The following ADAM22 variants were observed in gnomAD, a reference collection of about 807,000 sequenced individuals.
The protein encoded by ADAM22 is disintegrin and metalloproteinase domain-containing protein 22.
In ADAM22, 65 loss-of-function variants were observed where a neutral mutation model predicts 144.6. The ratio of observed to expected loss-of-function variants is 0.45; its 90% CI spans 0.37 to 0.55. The LOEUF (loss-of-function observed/expected upper bound fraction) is 0.55, where lower values mean the gene tolerates loss of function less well. ADAM22 is among the 20% of genes least tolerant of loss of function. ADAM22 has a pLI of 0.00. For synonymous variants in ADAM22, 391 were observed against 412.6 expected, an observed-to-expected ratio of 0.95 and a Z score of 0.63; for missense variants, 974 against 1,184.9, an observed-to-expected ratio of 0.82 and a Z score of 2.61.
At position 88,039,561 on chromosome 7, in the gene ADAM22, C is replaced by T. The variant is rs75654517; in HGVS notation, c.324-36065C>T. Among the ~76,000 whole-genome samples the T allele has an allele frequency of 4.4e-3, 651 of 146,700 alleles. 9 individuals are homozygous for T. Among genetic ancestry groups the T allele is most frequent in the African/African-American group, 0.016 (623 of 40,030 alleles). ...TTCCAAATATTAAGGATTCCAAGGA[C>T]AGGGACAGATAATATAATTATGGTT... is the stretch of plus-strand genomic sequence containing the variant. On this transcript the variant is annotated intron_variant, in intron 3 of 31. Coordinates refer to ENST00000413139, the MANE Select transcript of ADAM22 (RefSeq NM_001324418.2).
intron 2 of ADAM22, 31 bp downstream of exon 2, chr7:87,935,217 C>T: frequency 6.5e-7 from 1 of 1,538,712 alleles, no homozygotes. Flanking sequence ...GGTGGTCCTC[C>T]GCGCCTCCCG....
intron 26 of ADAM22, among the ~76,000 whole-genome samples, chr7:88,172,852 G>T (rs192657025): frequency 6.6e-6 from 1 of 151,930 alleles, no homozygotes; most frequent in Non-Finnish European, 1.5e-5. Flanking sequence ...AGCAGGAGCC[G>T]CCGTTTAGAC....
At chr7:87,963,791 G>A (rs1442815582) in intron 2 of ADAM22, among the ~76,000 whole-genome samples, 1 of 152,094 alleles carries the variant, frequency 6.6e-6, no homozygotes, top group East Asian at 1.9e-4. Context: ...ATGGCTCCTT[G>A]TAATTTTATT....
Position 88,088,636 on chromosome 7 carries a change from A to T in ADAM22, c.390+12944A>T, listed in dbSNP as rs563351868. Among the ~76,000 whole-genome samples, 4 of 152,286 alleles carry T rather than the reference A, an allele frequency of 2.6e-5. No individual in the cohort carries two copies. The East Asian group carries it at 7.7e-4, about 29-fold the overall frequency. ...TATAATTCCTGTGAACTTGAACAGC[A>T]GTGATAGAAAATTTCTTGCGATCTC... is the stretch of plus-strand genomic sequence containing the variant. On this transcript the variant is annotated intron_variant, in intron 4 of 31. Transcript: ENST00000413139.
At chr7:87,944,721 C>T (rs1240501655) in intron 2 of ADAM22, among the ~76,000 whole-genome samples, 1 of 151,662 alleles carries the variant, frequency 6.6e-6, no homozygotes, top group Admixed American at 6.6e-5. Flanking sequence ...CCTTCTGGCT[C>T]AACTAGAAAG....
Position 88,175,748 on chromosome 7 carries a change from GAT to G in ADAM22, c.2301-3185_2301-3184del, listed in dbSNP as rs1181906592. Among the ~76,000 whole-genome samples the G allele has an allele frequency of 5.3e-5, 8 of 152,242 alleles. No individual in the cohort carries two copies. In the East Asian group the frequency reaches 1.5e-3, roughly 29 times the overall value. On this transcript the variant is annotated intron_variant, in intron 26 of 31. Coordinates refer to ENST00000413139, the MANE Select transcript of ADAM22 (RefSeq NM_001324418.2). The stretch of plus-strand genomic sequence containing the variant: ...CAAGATTTAGGAAGAAAGCCGTAAA[GAT>G]AATAAAGGACTGGAAAAAGAAGTTT...
At chr7:88,021,995 C>T (rs1797937107) in intron 3 of ADAM22, among the ~76,000 whole-genome samples, 1 of 151,972 alleles carries the variant, frequency 6.6e-6, no homozygotes, top group Admixed American at 6.6e-5. Context: ...ATTTCCGCCT[C>T]CCGAATGTTG....
At chr7:88,080,290 G>T (rs920402647) in intron 4 of ADAM22, among the ~76,000 whole-genome samples, 2 of 152,072 alleles carry the variant, frequency 1.3e-5, no homozygotes, top group Admixed American at 6.6e-5. Flanking sequence ...GAGGTTCTTT[G>T]AAACCAACGA....
intron 18 of ADAM22, among the ~76,000 whole-genome samples, chr7:88,149,306 G>T (rs1837629759): frequency 6.6e-6 from 1 of 152,084 alleles, no homozygotes; most frequent in Non-Finnish European, 1.5e-5. Context: ...GTATTAAGTA[G>T]GTAGTACAAG....
rs191873663 is a variant in ADAM22 at position 88,128,828 on chromosome 7, G to A, written c.753+152G>A. The A allele has an allele frequency of 5.0e-5, 28 of 555,760 alleles. No homozygotes were observed. In the Admixed American group the frequency reaches 9.8e-4, roughly 19 times the overall value. 34.4% of individuals were successfully genotyped at this position (555,760 alleles called of 1,614,324 possible). On this transcript the variant is annotated intron_variant, in intron 9 of 31. Transcript: ENST00000413139. ...TATATTTGTTAACTAGCAACAACCT[G>A]CAATTAGGAAATATTCATAGGTGGA...
At chr7:87,954,210 G>A (rs904538401) in intron 2 of ADAM22, among the ~76,000 whole-genome samples, 1 of 151,258 alleles carries the variant, frequency 6.6e-6, no homozygotes, top group Non-Finnish European at 1.5e-5. Context: ...TATTTTGCTC[G>A]TTAGTTGATG....
chr7:88,171,844 A>G (rs1844404638), intron 26 of ADAM22, among the ~76,000 whole-genome samples: 1 of 151,594 alleles, frequency 6.6e-6, no homozygotes, highest in Non-Finnish European at 1.5e-5. Flanking sequence ...ATAGAAATTG[A>G]TTTTTTCCAT....
chr7:88,166,843 C>G (rs1360062679), intron 24 of ADAM22, among the ~76,000 whole-genome samples: 1 of 151,974 alleles, frequency 6.6e-6, no homozygotes, highest in East Asian at 1.9e-4. Context: ...AAAGCCATAC[C>G]ATTACTTAGA....
intron 3 of ADAM22, among the ~76,000 whole-genome samples, 190 bp downstream of exon 3, chr7:87,978,602 A>G (rs1852482336): frequency 6.6e-6 from 1 of 152,254 alleles, no homozygotes; most frequent in African/African-American, 2.4e-5. Flanking sequence ...TTCATTTGAA[A>G]TTGAGCACCT....
rs1250043347 is a variant in ADAM22 at position 88,126,775 on chromosome 7, G to A, written c.678+1116G>A. On this transcript the variant is annotated intron_variant, in intron 8 of 31. Transcript: ENST00000413139. ...GAGCATTTCTTTTGAGTGTCCTATT[G>A]GTGCTCAAAAAGTTTTTCATTCTGG... 1.1e-4 allele frequency among the ~76,000 whole-genome samples: 17 copies of A among 151,904 alleles called. No individual in the cohort carries two copies. In the East Asian group the frequency reaches 3.3e-3, roughly 29 times the overall value.
intron 2 of ADAM22, among the ~76,000 whole-genome samples, chr7:87,950,380 C>A (rs1280810267): frequency 6.8e-6 from 1 of 146,154 alleles, no homozygotes; most frequent in Non-Finnish European, 1.5e-5. Context: ...TGAGTGAGAA[C>A]ATGCGGTGTT....
chr7:88,103,375 G>A (rs573788136), intron 4 of ADAM22, among the ~76,000 whole-genome samples: 2 of 152,156 alleles, frequency 1.3e-5, no homozygotes, highest in Non-Finnish European at 2.9e-5. Flanking sequence ...TAATAAAAAT[G>A]TGGTATGTCT....
chr7:88,071,339 G>A (rs1278008594), intron 3 of ADAM22, among the ~76,000 whole-genome samples: 1 of 151,694 alleles, frequency 6.6e-6, no homozygotes, highest in Admixed American at 6.6e-5. Context: ...TCAGGATATG[G>A]GATGCATTTC....
At chr7:88,143,957 TC>T (rs1169817308) in intron 15 of ADAM22, among the ~76,000 whole-genome samples, 1 of 152,230 alleles carries the variant, frequency 6.6e-6, no homozygotes. Context: ...ACAGTTCAAG[TC>T]TTTTTACCAA....
Sources: gnomAD v4.1 joint callset for allele counts (sites outside exome capture counted in the v4.1 genomes callset) on GRCh38, gnomAD v4.1.1 for gene constraint, MANE v1.5 for transcripts, NCBI Gene and HGNC (gene_info 2026-07-23, HGNC 2026-07-21) for gene names.